The following ARIH2 variants were observed in gnomAD, a reference collection of about 807,000 sequenced individuals.
The protein encoded by ARIH2 is E3 ubiquitin-protein ligase ARIH2.
A neutral mutation model predicts 79.8 loss-of-function variants in ARIH2; 12 were observed. That is an observed-to-expected ratio of 0.15 (90% CI 0.10 to 0.24). The LOEUF (loss-of-function observed/expected upper bound fraction) is 0.24, where lower values mean the gene tolerates loss of function less well. Ranked by LOEUF, ARIH2 falls within the 10% of genes least tolerant of loss-of-function variation. The probability of loss-of-function intolerance (pLI) is 1.00; values close to 1 mark genes in which losing one functional copy is unlikely to be tolerated. For synonymous variants in ARIH2, 224 were observed against 213.9 expected, an observed-to-expected ratio of 1.05 and a Z score of -0.41; for missense variants, 301 against 618.3, an observed-to-expected ratio of 0.49 and a Z score of 5.44.
chr3:48,944,169 C>CA (rs1277268299), intron 3 of ARIH2, among the ~76,000 whole-genome samples: 1 of 151,884 alleles, frequency 6.6e-6, no homozygotes, highest in Non-Finnish European at 1.5e-5. Context: ...ATTTACTTCA[C>CA]AATAATCTGA....
intron 11 of ARIH2, among the ~76,000 whole-genome samples, chr3:48,976,938 C>T (rs1403387677): frequency 6.6e-6 from 1 of 150,982 alleles, no homozygotes; most frequent in East Asian, 2.0e-4. Flanking sequence ...CGGTGGCTCA[C>T]GCCTGTAATC....
At chr3:48,923,369 C>T (rs551773273) in intron 2 of ARIH2, among the ~76,000 whole-genome samples, 71 of 149,918 alleles carry the variant, frequency 4.7e-4, no homozygotes, top group African/African-American at 1.7e-3. Flanking sequence ...CACTGCATTC[C>T]AGCCAGGGTG....
chr3:48,981,789 G>T, intron 14 of ARIH2, 61 bp downstream of exon 14: 1 of 1,385,372 alleles, frequency 7.2e-7, no homozygotes, highest in Non-Finnish European at 1.0e-6. Flanking sequence ...TTCTCTACCA[G>T]CACTTTGCAG....
At chr3:48,922,083 G>A (rs375197167) in intron 1 of ARIH2, among the ~76,000 whole-genome samples, 82 of 152,238 alleles carry the variant, frequency 5.4e-4, no homozygotes, top group Admixed American at 2.0e-3. Flanking sequence ...ATTTAGGATT[G>A]AAATTGTGGT....
chr3:48,966,614 T>C (rs1464187100), intron 5 of ARIH2, among the ~76,000 whole-genome samples: 1 of 152,324 alleles, frequency 6.6e-6, no homozygotes, highest in Non-Finnish European at 1.5e-5. Context: ...GGTACGTCGA[T>C]ATAGTGAAAC....
intron 7 of ARIH2, 138 bp from the exon 8 acceptor site, chr3:48,970,457 A>C (rs1283565129): frequency 6.3e-6 from 4 of 631,164 alleles, no homozygotes; most frequent in Non-Finnish European, 1.1e-5. Context: ...TGGTCTTCAC[A>C]TCCTTTCTGA....
chr3:48,924,093 A>G (rs1048603931), intron 2 of ARIH2, among the ~76,000 whole-genome samples: 13 of 152,212 alleles, frequency 8.5e-5, no homozygotes, highest in Middle Eastern at 6.8e-3. Context: ...TCATGTTTTT[A>G]TATCTCAGAC....
intron 3 of ARIH2, among the ~76,000 whole-genome samples, chr3:48,959,087 C>A (rs960620015): frequency 6.6e-6 from 1 of 151,850 alleles, no homozygotes; most frequent in Non-Finnish European, 1.5e-5. Context: ...GAGGCCAAGG[C>A]GGGTGGATCA....
chr3:48,938,046 C>CAA (rs5848862), intron 3 of ARIH2, among the ~76,000 whole-genome samples: 66,869 of 105,488 alleles, frequency 0.63, 20,746 homozygotes, highest in East Asian at 0.92. Flanking sequence ...GACTCCGTCT[C>CAA]AAAAAAAAAA....
chr3:48,927,816 G>A lies in ARIH2; in HGVS notation c.255+3G>A. The A allele has an allele frequency of 6.2e-7, 1 of 1,613,690 alleles. No homozygotes were observed. The highest frequency in any genetic ancestry group is 8.5e-7 in the Non-Finnish European group (1 of 1,179,770). ...CCAGCTTAGCTTCTGTCCTAAAGGTGAGCAGTGTTGTAAACTCCAGTGTAA... is the reference window on the plus strand; with the variant it reads ...CCAGCTTAGCTTCTGTCCTAAAGGTAAGCAGTGTTGTAAACTCCAGTGTAA... On this transcript the variant is annotated splice_donor_region_variant and intron_variant, in intron 3 of 15. Transcript: ENST00000356401.
At chr3:48,927,883 T>A in intron 3 of ARIH2, 70 bp downstream of exon 3, 1 of 1,563,198 alleles carries the variant, frequency 6.4e-7, no homozygotes. Flanking sequence ...TGTTAATTAA[T>A]GTCTCCTCCA....
At chr3:48,977,496 C>T (rs894500718) in intron 11 of ARIH2, among the ~76,000 whole-genome samples, 1 of 149,924 alleles carries the variant, frequency 6.7e-6, no homozygotes, top group Non-Finnish European at 1.5e-5. Context: ...CTCACTCTGT[C>T]GCCTGGGCTA....
At chr3:48,942,410 C>G (rs566326476) in intron 3 of ARIH2, among the ~76,000 whole-genome samples, 1 of 152,276 alleles carries the variant, frequency 6.6e-6, no homozygotes, top group African/African-American at 2.4e-5. Flanking sequence ...AATTATTTCC[C>G]AGTAAACAAG....
intron 8 of ARIH2, among the ~76,000 whole-genome samples, chr3:48,972,575 C>T (rs1384216286): frequency 6.6e-6 from 1 of 152,072 alleles, no homozygotes; most frequent in Non-Finnish European, 1.5e-5. Context: ...ACCAGGGAGG[C>T]AGAGGCTGCA....
At chr3:48,973,588 A>G (rs1006477078) in intron 8 of ARIH2, 111 bp from the exon 9 acceptor site, 28 of 768,672 alleles carry the variant, frequency 3.6e-5, no homozygotes, top group Middle Eastern at 2.8e-4. Context: ...AAAAAAAAAA[A>G]AAAAGAAAAA....
intron 3 of ARIH2, among the ~76,000 whole-genome samples, chr3:48,954,018 G>A (rs892353283): frequency 6.6e-5 from 10 of 151,848 alleles, no homozygotes; most frequent in South Asian, 2.1e-4. Flanking sequence ...AAAATTAGCC[G>A]GGAGTGGTGG....
chr3:48,955,523 A>G (rs1490079567), intron 3 of ARIH2, among the ~76,000 whole-genome samples: 1 of 152,140 alleles, frequency 6.6e-6, no homozygotes, highest in Non-Finnish European at 1.5e-5. Context: ...TTCTCTTCAC[A>G]ATTGAACAAA....
At chr3:48,983,160 C>T in intron 15 of ARIH2, 39 bp from the exon 16 acceptor site, 2 of 1,611,916 alleles carry the variant, frequency 1.2e-6, no homozygotes, top group Non-Finnish European at 1.7e-6. Flanking sequence ...GCTCCCAGGC[C>T]TGGGCCATGC....
intron 6 of ARIH2, chr3:48,968,020 G>GTT: frequency 6.8e-6 from 1 of 147,724 alleles, no homozygotes; most frequent in Non-Finnish European, 1.5e-5. Flanking sequence ...TTTTGGGTTT[G>GTT]TTTTTTTTTT....
Sources: allele counts gnomAD v4.1 joint callset (sites outside exome capture counted in the v4.1 genomes callset), GRCh38; gene constraint gnomAD v4.1.1; transcripts MANE v1.5; gene names NCBI Gene and HGNC (gene_info 2026-07-23, HGNC 2026-07-21).